Variants in CLSTN1 observed in about 807,000 individuals in gnomAD.
CLSTN1 encodes calsyntenin-1.
CLSTN1 carries 28 observed loss-of-function variants against 108.3 expected under a neutral mutation model. That is an observed-to-expected ratio of 0.26 (90% CI 0.19 to 0.35). The LOEUF (loss-of-function observed/expected upper bound fraction) is 0.35. Among genes scored for constraint, CLSTN1 ranks in the 10% least tolerant of loss-of-function variants. The pLI is 1.00. For synonymous variants in CLSTN1, 524 were observed against 534.9 expected, an observed-to-expected ratio of 0.98 and a Z score of 0.28; for missense variants, 1,157 against 1,302.6, an observed-to-expected ratio of 0.89 and a Z score of 1.72.
intron 1 of CLSTN1, among the ~76,000 whole-genome samples, chr1:9,803,369 C>T (rs1434936714): frequency 6.6e-6 from 1 of 152,156 alleles, no homozygotes; most frequent in East Asian, 1.9e-4. Flanking sequence ...CTCAACCTCT[C>T]CCATCAAGGC....
intron 1 of CLSTN1, among the ~76,000 whole-genome samples, chr1:9,819,246 C>T (rs1427941414): frequency 2.0e-5 from 3 of 152,026 alleles, no homozygotes; most frequent in Non-Finnish European, 4.4e-5. Flanking sequence ...TAAATGAAAA[C>T]TACCCAAAAA....
intron 1 of CLSTN1, among the ~76,000 whole-genome samples, chr1:9,802,312 G>T (rs1028984029): frequency 1.9e-4 from 29 of 152,182 alleles, no homozygotes; most frequent in Non-Finnish European, 4.0e-4. Context: ...AGCAGGGCCT[G>T]GCTAAATTAT....
At chr1:9,797,320 G>T (rs558341930) in intron 1 of CLSTN1, among the ~76,000 whole-genome samples, 31 of 152,198 alleles carry the variant, frequency 2.0e-4, no homozygotes, top group Non-Finnish European at 3.2e-4. Flanking sequence ...AAGGGGAAGT[G>T]GGGGAGGGAG....
chr1:9,749,964 C>T, intron 5 of CLSTN1, 51 bp from the exon 6 acceptor site: 1 of 1,537,288 alleles, frequency 6.5e-7, no homozygotes, highest in Non-Finnish European at 8.9e-7. Context: ...GCTGGTTTTA[C>T]TTTTGTTGTC....
chr1:9,741,251 A>G lies in CLSTN1; in HGVS notation c.1362T>C (p.Cys454=). 6.2e-7 allele frequency: 1 copy of G among 1,605,052 alleles called. No homozygotes were observed. The highest frequency in any genetic ancestry group is 1.1e-5 in the South Asian group (1 of 90,928). ...AEFHWKLNQV[C]DEEWHHYVLN... ...GGACGTAGTGGTGCCATTCCTCATC[A>G]CAGACCTACAGAGGCAAAGGGAAGC... Residue 454 remains cysteine (C), a synonymous_variant, in exon 10 of 19, where the codon TGT becomes TGC. Coordinates refer to ENST00000377298, the MANE Select transcript of CLSTN1 (RefSeq NM_001009566.3).
chr1:9,773,187 C>T (rs2101161263), intron 2 of CLSTN1, 85 bp downstream of exon 2: 13 of 1,560,916 alleles, frequency 8.3e-6, no homozygotes, highest in South Asian at 1.2e-5. Flanking sequence ...TTTTCAGAAA[C>T]GCTCAGCATT....
chr1:9,790,864 C>T lies in CLSTN1; in HGVS notation c.92-17470G>A, dbSNP rs551178307. On this transcript the variant is annotated intron_variant, in intron 1 of 18. Coordinates refer to ENST00000377298, the MANE Select transcript of CLSTN1 (RefSeq NM_001009566.3). ...AAAAAAAAAACAGGGCCGGGCGCGG[C>T]GGCTCACGCCTGTAATCCCAGCACT... Among the ~76,000 whole-genome samples, 297 of 150,740 alleles carry T rather than the reference C, an allele frequency of 2.0e-3. 2 individuals carry two copies. Among genetic ancestry groups the T allele is most frequent in the South Asian group, 3.3e-3 (15 of 4,568 alleles).
chr1:9,741,119 C>G lies in CLSTN1; in HGVS notation c.1494G>C (p.Gln498His), dbSNP rs750272417. 1.9e-6 allele frequency: 3 copies of G among 1,613,768 alleles called. No individual in the cohort carries two copies. Among genetic ancestry groups the G allele is most frequent in the East Asian group, 2.2e-5 (1 of 44,886 alleles). ...CTTGCCAGCAAGCCCCCACCACGAG[C>G]TGAGTTTCTATCTTGGATGGATGGA... ...YPLHPSKIET[Q>H]LVVGACWQEF... The change falls in exon 10 of 19, where the codon CAG becomes CAC. Residue 498 changes from glutamine (Q) to histidine (H), a missense_variant. Coordinates refer to ENST00000377298, the MANE Select transcript of CLSTN1 (RefSeq NM_001009566.3).
intron 2 of CLSTN1, among the ~76,000 whole-genome samples, chr1:9,759,621 G>C (rs1180946380): frequency 6.6e-6 from 1 of 152,214 alleles, no homozygotes; most frequent in Non-Finnish European, 1.5e-5. Flanking sequence ...CTGGAACACA[G>C]ACATGCTCAT....
intron 1 of CLSTN1, among the ~76,000 whole-genome samples, chr1:9,795,320 C>T (rs1021559007): frequency 6.6e-6 from 1 of 151,020 alleles, no homozygotes; most frequent in African/African-American, 2.4e-5. Context: ...CATGCGCCAC[C>T]ACGCCCGGCT....
intron 10 of CLSTN1, 26 bp downstream of exon 10, chr1:9,741,068 C>G: frequency 6.2e-7 from 1 of 1,604,104 alleles, no homozygotes; most frequent in South Asian, 1.1e-5. Context: ...ATTCTCGAGT[C>G]GAGGGCGGGG....
intron 1 of CLSTN1, among the ~76,000 whole-genome samples, chr1:9,804,452 T>C (rs1418219878): frequency 1.5e-4 from 23 of 151,348 alleles, no homozygotes; most frequent in Non-Finnish European, 2.9e-5. Flanking sequence ...TGTCCACCTG[T>C]GAGGGCCTCC....
rs1557689022 is a variant in CLSTN1, at chr1:9,733,398, C to T, written c.2427+3G>A. The T allele has an allele frequency of 6.2e-7, 1 of 1,614,228 alleles. No homozygotes were observed. Among genetic ancestry groups the T allele is most frequent in the Non-Finnish European group, 8.5e-7 (1 of 1,180,040 alleles). ...CCCTGCTCAGTGGGAGCCTTGTACT[C>T]ACCTCCACCTTAAATTCGTTGCTGA... On this transcript the variant is annotated splice_donor_region_variant and intron_variant, in intron 16 of 18. Coordinates refer to ENST00000377298, the MANE Select transcript of CLSTN1 (RefSeq NM_001009566.3).
rs199876158 is a variant in CLSTN1 at position 9,735,969 on chromosome 1, C to G, written c.1650G>C (p.Ala550=). The G allele has an allele frequency of 3.1e-6, 5 of 1,614,164 alleles. No individual in the cohort carries two copies. Among genetic ancestry groups the G allele is most frequent in the Non-Finnish European group, 4.2e-6 (5 of 1,180,038 alleles). Residue 550 remains alanine, a synonymous_variant, in exon 12 of 19, where the codon GCG becomes GCC. Coordinates refer to ENST00000377298, the MANE Select transcript of CLSTN1 (RefSeq NM_001009566.3). ...ACAGACAGTCGATCACCTTCTTATCCGCGAGTTTCCCGGAACGGAGAGTTA... is the reference window on the plus strand; with the variant it reads ...ACAGACAGTCGATCACCTTCTTATCGGCGAGTTTCCCGGAACGGAGAGTTA... ...AGLTLRSGKL[A]DKKVIDCLYT...
Position 9,732,035 on chromosome 1 carries a change from G to A in CLSTN1, c.2428-139C>T, listed in dbSNP as rs1233521802. 34 of 792,538 alleles carry A rather than the reference G, an allele frequency of 4.3e-5. No individual in the cohort carries two copies. The highest frequency in any genetic ancestry group is 6.7e-5 in the African/African-American group (2 of 30,016). The allele number at this position is 792,538 out of a possible 1,614,324, so 49.1% of individuals were successfully genotyped here. On this transcript the variant is annotated intron_variant, in intron 16 of 18. Coordinates refer to ENST00000377298, the MANE Select transcript of CLSTN1 (RefSeq NM_001009566.3). The stretch of plus-strand genomic sequence containing the variant: ...CGCAGCTGGGGGCAAACGGAGCTAC[G>A]GGAAAAGGACAGAAAAAAAAATCAA...
intron 1 of CLSTN1, among the ~76,000 whole-genome samples, chr1:9,798,585 G>C (rs1290390006): frequency 2.0e-5 from 3 of 152,144 alleles, no homozygotes; most frequent in East Asian, 3.9e-4. Flanking sequence ...CAAGTGCTGG[G>C]GGCAGAAGGG....
intron 5 of CLSTN1, among the ~76,000 whole-genome samples, chr1:9,750,439 T>G (rs1163472739): frequency 6.6e-6 from 1 of 151,356 alleles, no homozygotes; most frequent in Non-Finnish European, 1.5e-5. Context: ...CTGTATTATC[T>G]TTTTTTTTCT....
intron 1 of CLSTN1, among the ~76,000 whole-genome samples, chr1:9,802,183 A>G (rs934782883): frequency 5.9e-5 from 9 of 152,214 alleles, no homozygotes; most frequent in Non-Finnish European, 1.0e-4. Context: ...GTTCATGCTC[A>G]TAACTGCTCC....
Position 9,813,031 on chromosome 1 carries a change from G to A in CLSTN1, c.91+10612C>T, listed in dbSNP as rs559616560. Among the ~76,000 whole-genome samples, 3 of 151,772 alleles carry A rather than the reference G, an allele frequency of 2.0e-5. No individual in the cohort carries two copies. In the East Asian group the frequency reaches 5.8e-4, roughly 29 times the overall value. Reference sequence around the variant, plus strand: ...ATACAAAAATTAGCCAGGCATGGTGGCGGGTGCCTAGTAATCCCAGCTACT... The same window carrying A: ...ATACAAAAATTAGCCAGGCATGGTGACGGGTGCCTAGTAATCCCAGCTACT... On this transcript the variant is annotated intron_variant, in intron 1 of 18. Transcript: ENST00000377298.
Sources: gnomAD v4.1 joint callset for allele counts (sites outside exome capture counted in the v4.1 genomes callset) on GRCh38, gnomAD v4.1.1 for gene constraint, MANE v1.5 for transcripts, NCBI Gene and HGNC (gene_info 2026-07-23, HGNC 2026-07-21) for gene names.